The following PDE8B variants were observed in gnomAD, a reference collection of about 807,000 sequenced individuals.
PDE8B encodes phosphodiesterase 8B.
A neutral mutation model predicts 101.3 loss-of-function variants in PDE8B; 26 were observed. That is an observed-to-expected ratio of 0.26 (90% CI 0.19 to 0.36). The LOEUF (loss-of-function observed/expected upper bound fraction) is 0.36, where lower values mean the gene tolerates loss of function less well. PDE8B is among the 10% of genes least tolerant of loss of function. The pLI is 1.00. For synonymous variants in PDE8B, 424 were observed against 429.3 expected (o/e 0.99, Z 0.15); for missense variants, 810 against 1,163.1 (o/e 0.70, Z 4.42).
At chr5:77,281,710 T>TGAG (rs981887624) in intron 1 of PDE8B, among the ~76,000 whole-genome samples, 6 of 152,212 alleles carry the variant, frequency 3.9e-5, no homozygotes, top group African/African-American at 1.4e-4. Context: ...CAATCACACT[T>TGAG]GCAAAGTCCT....
the PDE8B span, among the ~76,000 whole-genome samples, chr5:77,109,536 G>A: frequency 6.6e-6 from 1 of 152,248 alleles, no homozygotes; most frequent in African/African-American, 2.4e-5. Context: ...AGGGCAGACT[G>A]CAGTGGTGGC....
the PDE8B span, among the ~76,000 whole-genome samples, chr5:77,123,711 A>G: frequency 6.6e-6 from 1 of 152,170 alleles, no homozygotes; most frequent in South Asian, 2.1e-4. Context: ...GTGAACCATG[A>G]TGGTGCCACT....
the PDE8B span, chr5:77,114,746 G>C: frequency 6.6e-6 from 1 of 152,260 alleles, no homozygotes; most frequent in South Asian, 2.1e-4. Context: ...TTAAATTCTA[G>C]AAGATTAATG....
chr5:77,374,467 G>A (rs1785676866), intron 10 of PDE8B, among the ~76,000 whole-genome samples: 1 of 151,616 alleles, frequency 6.6e-6, no homozygotes, highest in Non-Finnish European at 1.5e-5. Context: ...TTATTTGAAC[G>A]ATTTTTAAAA....
chr5:77,326,920 G>T (rs1044953745), intron 3 of PDE8B, among the ~76,000 whole-genome samples: 4 of 152,086 alleles, frequency 2.6e-5, no homozygotes, highest in Non-Finnish European at 5.9e-5. Context: ...TTTAATTCAG[G>T]CAAAGGCCCA....
chr5:77,162,954 T>C, the PDE8B span, among the ~76,000 whole-genome samples: 3 of 152,224 alleles, frequency 2.0e-5, no homozygotes, highest in African/African-American at 7.2e-5. Flanking sequence ...CCATATTTGC[T>C]TTAACCAGAC....
chr5:77,415,545 G>C (rs1251740285), intron 17 of PDE8B, among the ~76,000 whole-genome samples: 1 of 151,944 alleles, frequency 6.6e-6, no homozygotes, highest in African/African-American at 2.4e-5. Context: ...GTTTAGTAGA[G>C]ATGGGGTTTC....
At chr5:77,359,490 A>G (rs749555950) in intron 10 of PDE8B, among the ~76,000 whole-genome samples, 1 of 152,114 alleles carries the variant, frequency 6.6e-6, no homozygotes, top group Non-Finnish European at 1.5e-5. Context: ...CCCTGCACGG[A>G]TGGGGTTTTT....
chr5:77,262,418 A>C (rs915664021), intron 1 of PDE8B, among the ~76,000 whole-genome samples: 1 of 152,248 alleles, frequency 6.6e-6, no homozygotes, highest in Non-Finnish European at 1.5e-5. Flanking sequence ...AGGAAAACAA[A>C]TGTCCCTCTC....
chr5:77,129,958 C>T, the PDE8B span, among the ~76,000 whole-genome samples: 1 of 152,088 alleles, frequency 6.6e-6, no homozygotes, highest in East Asian at 1.9e-4. Context: ...CCTAGATGGC[C>T]TTGATTGTGT....
chr5:77,106,097 A>G, the PDE8B span: 3 of 152,012 alleles, frequency 2.0e-5, no homozygotes, highest in African/African-American at 7.3e-5. Context: ...GTTTGCAAAT[A>G]TTTTTTTCCC....
chr5:77,388,595 C>T (rs375847081), intron 10 of PDE8B, among the ~76,000 whole-genome samples: 14 of 152,300 alleles, frequency 9.2e-5, no homozygotes, highest in East Asian at 3.9e-4. Context: ...AGAGCTTGCA[C>T]GCTGTGCTGG....
At chr5:77,269,645 T>C (rs1397786878) in intron 1 of PDE8B, among the ~76,000 whole-genome samples, 1 of 152,188 alleles carries the variant, frequency 6.6e-6, no homozygotes, top group Non-Finnish European at 1.5e-5. Flanking sequence ...TTGATTTGAT[T>C]TTTGTATATG....
intron 6 of PDE8B, 64 bp downstream of exon 6, chr5:77,337,379 C>A: frequency 1.2e-6 from 1 of 855,248 alleles, no homozygotes; most frequent in Non-Finnish European, 2.0e-6. Flanking sequence ...TATCTGTCAA[C>A]AGGCTGATGT....
chr5:77,210,502 G>GCGC (rs1748014230), upstream of PDE8B: 1 of 399,588 alleles, frequency 2.5e-6, no homozygotes, highest in Admixed American at 6.5e-5. The surrounding 1 kb of genome is among the most constrained non-coding windows in gnomAD (Gnocchi z 4.9). Context: ...GAAGGTGCAG[G>GCGC]CAGGCGGGCA....
chr5:77,366,082 T>C (rs1159329130), intron 10 of PDE8B, among the ~76,000 whole-genome samples: 2 of 152,208 alleles, frequency 1.3e-5, no homozygotes, highest in African/African-American at 4.8e-5. Context: ...GTTTTTTGTT[T>C]TTGTTTTTTT....
intron 1 of PDE8B, among the ~76,000 whole-genome samples, chr5:77,298,344 C>T (rs1422843407): frequency 6.6e-6 from 1 of 152,184 alleles, no homozygotes; most frequent in Non-Finnish European, 1.5e-5. Flanking sequence ...ATCATGGCCT[C>T]TGTTACCCTA....
chr5:77,090,188 T>C, the PDE8B span, among the ~76,000 whole-genome samples: 6 of 152,254 alleles, frequency 3.9e-5, no homozygotes, highest in African/African-American at 1.4e-4. Context: ...GAATAAGTTC[T>C]AGTTTTTGAT....
chr5:77,358,876 G>T (rs545134928), intron 10 of PDE8B, among the ~76,000 whole-genome samples: 2 of 152,274 alleles, frequency 1.3e-5, no homozygotes, highest in South Asian at 4.1e-4. Flanking sequence ...CCTTATTTGT[G>T]TGCCCCAAAA....
Sources: gnomAD v4.1 joint callset for allele counts (sites outside exome capture counted in the v4.1 genomes callset) on GRCh38, gnomAD v4.1.1 for gene constraint, Gnocchi (gnomAD v3.1) non-coding constraint, MANE v1.5 for transcripts, NCBI Gene and HGNC (gene_info 2026-07-23, HGNC 2026-07-21) for gene names.